Variants in ALOX5 observed in about 807,000 individuals in gnomAD.
ALOX5 encodes the protein arachidonate 5-lipoxygenase.
In ALOX5, 64 loss-of-function variants were observed where a neutral mutation model predicts 87.9. That is an observed-to-expected ratio of 0.73 (90% CI 0.60 to 0.90). The LOEUF (loss-of-function observed/expected upper bound fraction) is 0.90. Ranked by LOEUF, ALOX5 falls within the 40% of genes least tolerant of loss-of-function variation. The pLI, the probability that ALOX5 is intolerant of heterozygous loss-of-function variation, is 0.00. For missense variants in ALOX5, 822 were observed against 907.5 expected, an observed-to-expected ratio of 0.91 and a Z score of 1.21; for synonymous variants, 388 against 355.1, an observed-to-expected ratio of 1.09 and a Z score of -1.04.
chr10:45,411,778 A>T (rs1841072970), intron 3 of ALOX5, among the ~76,000 whole-genome samples: 1 of 152,224 alleles, frequency 6.6e-6, no homozygotes, highest in African/African-American at 2.4e-5. Context: ...CACACTGATC[A>T]AGTTGGCAGA....
intron 3 of ALOX5, among the ~76,000 whole-genome samples, chr10:45,402,115 C>T (rs900560490): frequency 6.8e-6 from 1 of 147,742 alleles, no homozygotes; most frequent in African/African-American, 2.5e-5. Flanking sequence ...AATCTTTAAC[C>T]AGTTTTCACG....
At chr10:45,379,231 C>T (rs1473980027) in intron 1 of ALOX5, among the ~76,000 whole-genome samples, 1 of 152,122 alleles carries the variant, frequency 6.6e-6, no homozygotes, top group African/African-American at 2.4e-5. Context: ...TCCCTGTTAG[C>T]TCCTCCCACC....
At chr10:45,419,922 C>T (rs1046439433) in intron 4 of ALOX5, among the ~76,000 whole-genome samples, 2 of 151,994 alleles carry the variant, frequency 1.3e-5, no homozygotes, top group East Asian at 1.9e-4. Context: ...GAAGTGATGG[C>T]GGAGGAAAGA....
intron 4 of ALOX5, among the ~76,000 whole-genome samples, chr10:45,417,048 G>A (rs889653262): frequency 6.6e-6 from 1 of 152,084 alleles, no homozygotes; most frequent in African/African-American, 2.4e-5. Flanking sequence ...TGTATCTCAG[G>A]AGCCTCTGTA....
chr10:45,380,527 G>A (rs1564409068), intron 1 of ALOX5, among the ~76,000 whole-genome samples: 3 of 152,204 alleles, frequency 2.0e-5, no homozygotes, highest in African/African-American at 7.2e-5. Flanking sequence ...CATGGAATGG[G>A]GATGCCTGCG....
chr10:45,444,671 G>A (rs993772490), intron 13 of ALOX5: 5 of 214,542 alleles, frequency 2.3e-5, no homozygotes, highest in Admixed American at 1.1e-4. Context: ...AACTGAATCC[G>A]GTGTGTCTTC....
At chr10:45,432,530 T>C (rs371355818) in intron 7 of ALOX5, among the ~76,000 whole-genome samples, 3 of 152,130 alleles carry the variant, frequency 2.0e-5, no homozygotes, top group South Asian at 4.1e-4. Flanking sequence ...TGTATCACAA[T>C]GGAGGTTTTT....
chr10:45,391,420 A>G (rs993517146), intron 2 of ALOX5, among the ~76,000 whole-genome samples: 4 of 152,190 alleles, frequency 2.6e-5, no homozygotes, highest in Non-Finnish European at 5.9e-5. Flanking sequence ...GCTGGGGTGC[A>G]GTGGCGTGAT....
chr10:45,394,474 A>C (rs1342628323), intron 2 of ALOX5, among the ~76,000 whole-genome samples: 5 of 152,372 alleles, frequency 3.3e-5, no homozygotes, highest in Middle Eastern at 3.4e-3. Context: ...TTAAAGACTT[A>C]AATGTTAGAC....
intron 1 of ALOX5, among the ~76,000 whole-genome samples, chr10:45,377,363 TC>T (rs1056513633): frequency 6.6e-6 from 1 of 150,420 alleles, no homozygotes; most frequent in Non-Finnish European, 1.5e-5. Context: ...TCCTCTTCCT[TC>T]CCCTGCTCCC....
intron 2 of ALOX5, among the ~76,000 whole-genome samples, chr10:45,390,337 G>A (rs187076150): frequency 1.5e-4 from 23 of 152,166 alleles, no homozygotes; most frequent in African/African-American, 2.7e-4. Context: ...TCCAGCAAGC[G>A]GAGCTAATAG....
At chr10:45,429,707 T>C (rs1187181090) in intron 7 of ALOX5, among the ~76,000 whole-genome samples, 2 of 152,128 alleles carry the variant, frequency 1.3e-5, no homozygotes, top group African/African-American at 2.4e-5. Context: ...GATTGTAAAA[T>C]AGTATGTTGC....
chr10:45,383,460 A>G (rs745986), intron 2 of ALOX5, among the ~76,000 whole-genome samples: 29,805 of 152,170 alleles, frequency 0.2, 3,091 homozygotes, highest in South Asian at 0.24. Context: ...ATAACCCTTC[A>G]GCTTGCTCTC....
chr10:45,424,140 T>G lies in ALOX5; in HGVS notation c.654T>G (p.Thr218=), dbSNP rs762438808. 3.7e-6 allele frequency: 6 copies of G among 1,613,110 alleles called. No homozygotes were observed. In the South Asian group the frequency reaches 4.4e-5, roughly 12 times the overall value. The change falls in exon 5 of 14, where the codon ACT becomes ACG. Residue 218 remains threonine (T), a synonymous_variant. Coordinates refer to ENST00000374391, the MANE Select transcript of ALOX5 (RefSeq NM_000698.5). ...AAATCTTTGTCAAGATCAGCAACAC[T>G]ATTTCTGGTGAGTGTGCCTCTGGGG... is the stretch of plus-strand genomic sequence containing the variant. ...FEKIFVKISN[T]ISERVMNHWQ...
At chr10:45,421,000 A>G (rs1308604956) in intron 4 of ALOX5, among the ~76,000 whole-genome samples, 1 of 152,212 alleles carries the variant, frequency 6.6e-6, no homozygotes, top group Admixed American at 6.5e-5. Context: ...GCACAGGAGA[A>G]AGCTGAAGAT....
chr10:45,406,288 A>G lies in ALOX5; in HGVS notation c.432-5903A>G, dbSNP rs149907880. Among the ~76,000 whole-genome samples the G allele has an allele frequency of 2.2e-3, 331 of 152,326 alleles. 1 individual carries two copies. Among genetic ancestry groups the G allele is most frequent in the African/African-American group, 7.5e-3 (311 of 41,564 alleles). On this transcript the variant is annotated intron_variant, in intron 3 of 13. Transcript: ENST00000374391. ...TTGGCGAGTTTTGTATTATGTATAC[A>G]TAGTCTCTGGGTCTGTTTCCGCACT...
At chr10:45,402,525 G>A (rs553599456) in intron 3 of ALOX5, among the ~76,000 whole-genome samples, 45 of 152,302 alleles carry the variant, frequency 3.0e-4, no homozygotes, top group Non-Finnish European at 3.7e-4. Flanking sequence ...TCCACCTCTT[G>A]CCATTCAGGA....
Position 45,391,244 on chromosome 10 carries a change from C to T in ALOX5, c.350-4611C>T, listed in dbSNP as rs1286657439. Among the ~76,000 whole-genome samples, 10 of 152,140 alleles carry T rather than the reference C, an allele frequency of 6.6e-5. No homozygotes were observed. In the East Asian group the frequency reaches 1.4e-3, roughly 21 times the overall value. ...AGTGCCTGCGATTGCAGGTGCGCAC[C>T]GCCACGCCTGACTGTTTTTCATATT... On this transcript the variant is annotated intron_variant, in intron 2 of 13. Coordinates refer to ENST00000374391, the MANE Select transcript of ALOX5 (RefSeq NM_000698.5).
chr10:45,398,330 A>G (rs1840585270), intron 3 of ALOX5, among the ~76,000 whole-genome samples: 1 of 152,190 alleles, frequency 6.6e-6, no homozygotes, highest in Non-Finnish European at 1.5e-5. Context: ...CTCACACCAT[A>G]TACATAAATT....
Sources: gnomAD v4.1 joint callset for allele counts (sites outside exome capture counted in the v4.1 genomes callset) on GRCh38, gnomAD v4.1.1 for gene constraint, MANE v1.5 for transcripts, NCBI Gene and HGNC (gene_info 2026-07-23, HGNC 2026-07-21) for gene names.